Variants in PQBP1 observed in about 807,000 individuals in gnomAD.
PQBP1 encodes the protein polyglutamine-binding protein 1.
PQBP1 carries 3 observed loss-of-function variants against 20.9 expected under a neutral mutation model. That is an observed-to-expected ratio of 0.14 (90% CI 0.07 to 0.37). The LOEUF (loss-of-function observed/expected upper bound fraction) is 0.37. Ranked by LOEUF, PQBP1 falls within the 10% of genes least tolerant of loss-of-function variation. The pLI, the probability that PQBP1 is intolerant of heterozygous loss-of-function variation, is 1.00. For synonymous variants in PQBP1, 83 were observed against 93.8 expected, an observed-to-expected ratio of 0.88 and a Z score of 0.67; for missense variants, 162 against 240.3, an observed-to-expected ratio of 0.67 and a Z score of 2.16.
intron 2 of PQBP1, among the ~76,000 whole-genome samples, chrX:48,900,284 CTTTTTTTTTTTTTTTTTT>C (rs1162086780): frequency 2.8e-4 from 9 of 32,472 alleles, no homozygotes; most frequent in Non-Finnish European, 4.7e-4. Context: ...CATTGATTTA[CTTTTTTTTTTTTTTTTTT>C]TTTTTTTTTT....
Position 48,901,923 on chromosome X carries a change from C to T in PQBP1, c.180-7C>T. 1 of 1,211,415 alleles carries T rather than the reference C, an allele frequency of 8.3e-7. No homozygotes were observed. On this transcript the variant is annotated splice_region_variant and splice_polypyrimidine_tract_variant and intron_variant, in intron 3 of 6. Coordinates refer to ENST00000447146, the MANE Select transcript of PQBP1 (RefSeq NM_001032382.2). ...TGTGCTGACACTTCTTTCCTGCGGCCCCACAGCGGGCTCCCTTACTACTGG... is the reference window on the plus strand; with the variant it reads ...TGTGCTGACACTTCTTTCCTGCGGCTCCACAGCGGGCTCCCTTACTACTGG...
At position 48,898,161 on chromosome X, in the gene PQBP1, C is replaced by T. The variant is rs1238366624; in HGVS notation, c.-19+79C>T. The T allele has an allele frequency of 2.9e-6, 3 of 1,027,866 alleles. No homozygotes were observed. In the African/African-American group the frequency reaches 5.8e-5, roughly 20 times the overall value. 84.7% of individuals were successfully genotyped at this position (1,027,866 alleles called of 1,213,427 possible). On this transcript the variant is annotated intron_variant, in intron 1 of 6. Coordinates refer to ENST00000447146, the MANE Select transcript of PQBP1 (RefSeq NM_001032382.2). ...CTCCCCCATCCCAGCGCTTTGGTTTCTCCCACCCGGCAGTCATGGGGACGC... is the reference window on the plus strand; with the variant it reads ...CTCCCCCATCCCAGCGCTTTGGTTTTTCCCACCCGGCAGTCATGGGGACGC...
intron 2 of PQBP1, 91 bp from the exon 3 acceptor site, chrX:48,901,099 G>T (rs1309104953): frequency 8.6e-7 from 1 of 1,159,173 alleles, no homozygotes; most frequent in Non-Finnish European, 1.2e-6. Flanking sequence ...TGTGGCTTGT[G>T]TGAATGTGAG....
Position 48,901,290 on chromosome X carries a change from C to G in PQBP1, c.168C>G (p.Phe56Leu). Residue 56 changes from phenylalanine to leucine, a missense_variant, in exon 3 of 7, where the codon TTC becomes TTG. Coordinates refer to ENST00000447146, the MANE Select transcript of PQBP1 (RefSeq NM_001032382.2). ...TACCACCAAGCTGGTACAAGGTGTT[C>G]GACCCTTCCTGGTGAGCCTGGGTGA... Reference protein sequence around the residue: ...EGLPPSWYKVFDPSCGLPYYW... With the variant: ...EGLPPSWYKVLDPSCGLPYYW... 8.3e-7 allele frequency: 1 copy of G among 1,202,057 alleles called. No individual in the cohort carries two copies. Among genetic ancestry groups the G allele is most frequent in the South Asian group, 1.8e-5 (1 of 55,047 alleles).
At chrX:48,899,797 G>A (rs941493235) in intron 2 of PQBP1, among the ~76,000 whole-genome samples, 1 of 111,638 alleles carries the variant, frequency 9.0e-6, no homozygotes, top group Non-Finnish European at 1.9e-5. Context: ...CTGTGCTCTG[G>A]CTGCAAATCA....
At chrX:48,899,320 C>A (rs1276814280) in intron 2 of PQBP1, among the ~76,000 whole-genome samples, 3 of 112,009 alleles carry the variant, frequency 2.7e-5, no homozygotes, top group African/African-American at 9.7e-5. Flanking sequence ...CTGGGCGTGG[C>A]GGCTCAAGCT....
Position 48,898,497 on chromosome X carries a change from T to C in PQBP1, c.-13T>C. On this transcript the variant is annotated 5_prime_UTR_variant, in exon 2 of 7. Coordinates refer to ENST00000447146, the MANE Select transcript of PQBP1 (RefSeq NM_001032382.2). ...GTTTGTTCGTCTGTCCCTAGGTCTG[T>C]CTGCTATCAGCTATGCCGCTGCCCG... is the stretch of plus-strand genomic sequence containing the variant. 8.3e-7 allele frequency: 1 copy of C among 1,210,196 alleles called. No homozygotes were observed. Among genetic ancestry groups the C allele is most frequent in the East Asian group, 3.0e-5 (1 of 33,826 alleles).
rs1569510385 is a variant in PQBP1, at chrX:48,902,016, C to T, written c.266C>T (p.Ala89Val). Residue 89 changes from alanine to valine, a missense_variant, in exon 4 of 7, where the codon GCC becomes GTC. By Grantham distance (64) the Ala-to-Val change is moderately conservative. Coordinates refer to ENST00000447146, the MANE Select transcript of PQBP1 (RefSeq NM_001032382.2). Reference sequence around the variant, plus strand: ...CCCAACTCCGTGGTTACCAAATCGGCCAAGAAGCTCAGAAGCAGTAATGCA... The same window carrying T: ...CCCAACTCCGTGGTTACCAAATCGGTCAAGAAGCTCAGAAGCAGTAATGCA... ...HDPNSVVTKS[A>V]KKLRSSNADA... 2 of 1,211,748 alleles carry T rather than the reference C, an allele frequency of 1.7e-6. No individual in the cohort carries two copies. The highest frequency in any genetic ancestry group is 2.2e-6 in the Non-Finnish European group (2 of 895,568).
chrX:48,900,421 G>A (rs1557040771), intron 2 of PQBP1, among the ~76,000 whole-genome samples: 1 of 101,370 alleles, frequency 9.9e-6, no homozygotes, highest in East Asian at 3.3e-4. Context: ...AGCCTCCCGA[G>A]TAGCTAGGAC....
intron 3 of PQBP1, 33 bp from the exon 4 acceptor site, chrX:48,901,897 C>G (rs1409153830): frequency 1.7e-6 from 2 of 1,208,638 alleles, no homozygotes; most frequent in Non-Finnish European, 2.2e-6. Flanking sequence ...GCAAGGACAT[C>G]TGTGCTGACA....
At chrX:48,901,773 C>T (rs1047292355) in intron 3 of PQBP1, among the ~76,000 whole-genome samples, 157 bp from the exon 4 acceptor site, 2 of 112,061 alleles carry the variant, frequency 1.8e-5, no homozygotes, top group African/African-American at 6.5e-5. Flanking sequence ...GCCACCACGC[C>T]CAGCTGACAG....
chrX:48,902,843 C>G (rs782221984), intron 6 of PQBP1, 48 bp downstream of exon 6: 12 of 1,186,206 alleles, frequency 1.0e-5, no homozygotes, highest in Middle Eastern at 2.3e-4. Flanking sequence ...CATCCTCCGG[C>G]CTCCTTCCTC....
chrX:48,901,639 C>T, intron 3 of PQBP1: 2 of 451,806 alleles, frequency 4.4e-6, no homozygotes, highest in Non-Finnish European at 7.4e-6. Flanking sequence ...CCACCACACC[C>T]AGCTAATTTT....
chrX:48,900,175 C>T (rs918646502), intron 2 of PQBP1, among the ~76,000 whole-genome samples: 17 of 107,199 alleles, frequency 1.6e-4, no homozygotes, highest in Non-Finnish European at 3.1e-4. Flanking sequence ...GGTGTGAACC[C>T]GGAAGGCGGA....
At chrX:48,901,513 TTG>T (rs2063411088) in intron 3 of PQBP1, 1 of 857,009 alleles carries the variant, frequency 1.2e-6, no homozygotes, top group African/African-American at 2.0e-5. Context: ...AGTTTCACTC[TTG>T]TAGCCCGGGC....
At chrX:48,900,284 C>CTTTTTT (rs1162086780) in intron 2 of PQBP1, among the ~76,000 whole-genome samples, 2 of 32,478 alleles carry the variant, frequency 6.2e-5, no homozygotes, top group Non-Finnish European at 1.1e-4. Context: ...CATTGATTTA[C>CTTTTTT]TTTTTTTTTT....
chrX:48,902,321 C>A lies in PQBP1; in HGVS notation c.381C>A (p.Gly127=). ...SDRSHEKLDR[G]HDKSDRGHDK... is the part of the protein sequence containing the mutation. The stretch of plus-strand genomic sequence containing the variant: ...GCAGCCATGAGAAACTAGACAGGGG[C>A]CACGACAAGTCAGACCGGGGCCACG... Residue 127 remains glycine, a synonymous_variant, in exon 5 of 7, where the codon GGC becomes GGA. Transcript: ENST00000447146. 1 of 1,210,823 alleles carries A rather than the reference C, an allele frequency of 8.3e-7. No individual in the cohort carries two copies.
intron 1 of PQBP1, 174 bp from the exon 2 acceptor site, chrX:48,898,318 A>G: frequency 1.6e-6 from 1 of 610,513 alleles, no homozygotes; most frequent in Non-Finnish European, 2.7e-6. Flanking sequence ...AGTTGCGATG[A>G]TATTGCCACC....
At chrX:48,898,443 A>T (rs990154158) in intron 1 of PQBP1, 49 bp from the exon 2 acceptor site, 5 of 1,112,277 alleles carry the variant, frequency 4.5e-6, no homozygotes, top group South Asian at 1.8e-5. Flanking sequence ...CGGGATCCAG[A>T]TAGGAATCTT....
Sources: allele counts gnomAD v4.1 joint callset (sites outside exome capture counted in the v4.1 genomes callset), GRCh38; gene constraint gnomAD v4.1.1; transcripts MANE v1.5; gene names NCBI Gene and HGNC (gene_info 2026-07-23, HGNC 2026-07-21).